The following WWC2 variants were observed in gnomAD, a reference collection of about 807,000 sequenced individuals.
WWC2 encodes protein WWC2.
In WWC2, 101 loss-of-function variants were observed where a neutral mutation model predicts 138.5. The ratio of observed to expected loss-of-function variants is 0.73; its 90% CI spans 0.62 to 0.86. WWC2 has a LOEUF of 0.86. Among genes scored for constraint, WWC2 ranks in the 40% least tolerant of loss-of-function variants. The pLI, the probability that WWC2 is intolerant of heterozygous loss-of-function variation, is 0.00. For missense variants in WWC2, 1,420 were observed against 1,419.4 expected (o/e 1.00, Z -0.01); for synonymous variants, 558 against 538.4 (o/e 1.04, Z -0.50).
chr4:183,269,525 C>T (rs1432675699), intron 15 of WWC2: 5 of 483,086 alleles, frequency 1.0e-5, no homozygotes, highest in Non-Finnish European at 1.7e-5. Context: ...CTCATTTAAT[C>T]CTCATGACAA....
intron 18 of WWC2, 21 bp from the exon 19 acceptor site, chr4:183,284,205 A>G (rs1024466436): frequency 2.5e-6 from 4 of 1,608,010 alleles, no homozygotes; most frequent in Non-Finnish European, 3.4e-6. Context: ...GCTCCTGACA[A>G]ATTGTTAACT....
intron 21 of WWC2, among the ~76,000 whole-genome samples, chr4:183,311,578 G>GTTTT (rs33921495): frequency 8.7e-6 from 1 of 115,310 alleles, no homozygotes; most frequent in East Asian, 2.4e-4. Flanking sequence ...ATGTGTGCAG[G>GTTTT]TTTTTTTTTT....
At chr4:183,311,749 T>A (rs944515370) in intron 21 of WWC2, among the ~76,000 whole-genome samples, 4 of 151,986 alleles carry the variant, frequency 2.6e-5, no homozygotes, top group African/African-American at 9.7e-5. Context: ...GCTAATTTTT[T>A]TATATTTTTA....
intron 1 of WWC2, among the ~76,000 whole-genome samples, chr4:183,110,432 ATTTTT>A (rs545128013): frequency 2.6e-4 from 30 of 117,414 alleles, no homozygotes; most frequent in Non-Finnish European, 4.6e-4. Flanking sequence ...CTGTAGAGCT[ATTTTT>A]TTTTTTTTTT....
At chr4:183,302,098 A>C (rs139211237) in intron 21 of WWC2, among the ~76,000 whole-genome samples, 1 of 152,234 alleles carries the variant, frequency 6.6e-6, no homozygotes, top group Non-Finnish European at 1.5e-5. Flanking sequence ...CAAATTTTCT[A>C]TTATAAACAA....
At position 183,312,347 on chromosome 4, in the gene WWC2, C is replaced by T. The variant is rs1739280475; in HGVS notation, c.3391C>T (p.Gln1131Ter). Reference sequence around the variant, plus strand: ...TTTTTATTCCCTTTTCCAGGCTGAACAGTCCAAAGAAGAGCAGAAGCAAGG... The same window carrying T: ...TTTTTATTCCCTTTTCCAGGCTGAATAGTCCAAAGAAGAGCAGAAGCAAGG... ...LLKQAEKQAE[Q>*]SKEEQKQGLN... Residue 1131 changes from glutamine (Q) to a stop codon, truncating the protein, a stop_gained, in exon 22 of 23, where the codon CAG becomes TAG. Coordinates refer to ENST00000403733, the MANE Select transcript of WWC2 (RefSeq NM_024949.6). LOFTEE classifies it high-confidence loss of function. 1 of 1,613,114 alleles carries T rather than the reference C, an allele frequency of 6.2e-7. No individual in the cohort carries two copies. Among genetic ancestry groups the T allele is most frequent in the Non-Finnish European group, 8.5e-7 (1 of 1,179,380 alleles).
chr4:183,104,558 A>G (rs999508249), intron 1 of WWC2, among the ~76,000 whole-genome samples: 4 of 152,222 alleles, frequency 2.6e-5, no homozygotes, highest in African/African-American at 7.2e-5. Context: ...CCATTGTCAT[A>G]GACTGCTGGA....
intron 1 of WWC2, among the ~76,000 whole-genome samples, chr4:183,109,597 G>C (rs145610826): frequency 6.4e-4 from 98 of 152,260 alleles, no homozygotes; most frequent in African/African-American, 2.2e-3. Context: ...TATAGGGTTC[G>C]CTCTCCTATG....
chr4:183,149,451 C>T (rs1733573050), intron 1 of WWC2, among the ~76,000 whole-genome samples: 2 of 152,026 alleles, frequency 1.3e-5, no homozygotes, highest in African/African-American at 2.4e-5. Flanking sequence ...GGAGAAACCC[C>T]ATCTCTACTG....
intron 21 of WWC2, among the ~76,000 whole-genome samples, chr4:183,305,244 G>A (rs757836264): frequency 2.6e-5 from 4 of 152,072 alleles, no homozygotes; most frequent in Non-Finnish European, 4.4e-5. Context: ...AAAAAAAAAG[G>A]AACAGAACAT....
At chr4:183,177,248 T>G (rs1310271890) in intron 1 of WWC2, among the ~76,000 whole-genome samples, 1 of 152,184 alleles carries the variant, frequency 6.6e-6, no homozygotes, top group Non-Finnish European at 1.5e-5. Context: ...CCACAACAGG[T>G]GTCTCCTTCT....
At chr4:183,123,931 T>A (rs1732680288) in intron 1 of WWC2, among the ~76,000 whole-genome samples, 1 of 152,208 alleles carries the variant, frequency 6.6e-6, no homozygotes, top group African/African-American at 2.4e-5. Flanking sequence ...GATGCCTTGT[T>A]TACCAGATTT....
intron 4 of WWC2, among the ~76,000 whole-genome samples, chr4:183,238,651 G>A (rs909191393): frequency 6.6e-6 from 1 of 152,018 alleles, no homozygotes. Context: ...AGCTCTTCCT[G>A]TTGAGGACCC....
Position 183,293,960 on chromosome 4 carries a change from T to C in WWC2, c.3384+4325T>C, listed in dbSNP as rs188438043. ...ATTACATCCATGTAGAGCAGGGGTCTGTAAGCTTTTCCTATAAATGACCAT... is the reference window on the plus strand; with the variant it reads ...ATTACATCCATGTAGAGCAGGGGTCCGTAAGCTTTTCCTATAAATGACCAT... On this transcript the variant is annotated intron_variant, in intron 21 of 22. Transcript: ENST00000403733. Among the ~76,000 whole-genome samples the C allele has an allele frequency of 1.7e-3, 260 of 152,196 alleles. 2 individuals are homozygous for C. The highest frequency in any genetic ancestry group is 6.1e-3 in the African/African-American group (253 of 41,560).
chr4:183,265,216 AAGGACT>A, intron 12 of WWC2, 109 bp downstream of exon 12: 1 of 1,397,366 alleles, frequency 7.2e-7, no homozygotes, highest in Non-Finnish European at 9.4e-7. Flanking sequence ...TTGGCTTAGT[AAGGACT>A]TTAGCCGTTA....
intron 17 of WWC2, 185 bp from the exon 18 acceptor site, chr4:183,282,523 G>C (rs1286100746): frequency 1.6e-6 from 1 of 609,924 alleles, no homozygotes; most frequent in Middle Eastern, 4.0e-4. Flanking sequence ...TTTGCTGCAG[G>C]TTACTAGAGG....
At chr4:183,148,465 TTTC>T (rs1246466767) in intron 1 of WWC2, among the ~76,000 whole-genome samples, 1 of 152,226 alleles carries the variant, frequency 6.6e-6, no homozygotes, top group Non-Finnish European at 1.5e-5. Context: ...CATCTCTGAT[TTTC>T]TTGTTAAGCT....
intron 11 of WWC2, among the ~76,000 whole-genome samples, chr4:183,263,197 T>A (rs922286514): frequency 1.3e-5 from 2 of 152,154 alleles, no homozygotes; most frequent in African/African-American, 4.8e-5. Flanking sequence ...CCTTTCAAGG[T>A]AGTTTTGCTC....
rs1325779536 is a variant in WWC2 at position 183,248,809 on chromosome 4, T to G, written c.828T>G (p.Cys276Trp). The G allele has an allele frequency of 6.2e-7, 1 of 1,603,856 alleles. No homozygotes were observed. Among genetic ancestry groups the G allele is most frequent in the East Asian group, 2.2e-5 (1 of 44,720 alleles). The change falls in exon 7 of 23, where the codon TGT becomes TGG. Residue 276 changes from cysteine to tryptophan, a missense_variant. By Grantham distance (215) the Cys-to-Trp change is radical. Transcript: ENST00000403733. ...LRCSPVNSHL[C>W]LSRQTLDAGS... The stretch of plus-strand genomic sequence containing the variant: ...GTAGTCCTGTGAACTCTCATTTATG[T>G]CTCTCCAGACAGACCCTTGATGCTG...
Sources: allele counts gnomAD v4.1 joint callset (sites outside exome capture counted in the v4.1 genomes callset), GRCh38; gene constraint gnomAD v4.1.1; transcripts MANE v1.5; gene names NCBI Gene and HGNC (gene_info 2026-07-23, HGNC 2026-07-21).